The following CTXN2 variants were observed in gnomAD, a reference collection of about 807,000 sequenced individuals.
CTXN2 encodes the protein cortexin 2, also known as cortexin-2.
A neutral mutation model predicts 5.7 loss-of-function variants in CTXN2; 3 were observed. The ratio of observed to expected loss-of-function variants is 0.53; its 90% CI spans 0.24 to 1.36. The LOEUF (loss-of-function observed/expected upper bound fraction) is 1.36, where lower values mean the gene tolerates loss of function less well. CTXN2 is among the 40% of genes most tolerant of loss of function. The pLI is 0.17. For missense variants in CTXN2, 87 were observed against 93.0 expected, an observed-to-expected ratio of 0.94 and a Z score of 0.26; for synonymous variants, 38 against 36.4, an observed-to-expected ratio of 1.04 and a Z score of -0.16.
chr15:48,181,243 C>T (rs1470482412), intron 1 of CTXN2, among the ~76,000 whole-genome samples: 1 of 152,202 alleles, frequency 6.6e-6, no homozygotes, highest in African/African-American at 2.4e-5. Flanking sequence ...AGTAGCTTCA[C>T]AGTCATCGTG....
At chr15:48,178,777 G>A (rs1380104285) in intron 1 of CTXN2, 1 of 152,162 alleles carries the variant, frequency 6.6e-6, no homozygotes, top group East Asian at 1.9e-4. Context: ...GGCACCCTTC[G>A]GACATTCCAT....
intron 1 of CTXN2, among the ~76,000 whole-genome samples, chr15:48,199,013 T>C (rs920401332): frequency 6.6e-6 from 1 of 152,188 alleles, no homozygotes; most frequent in Non-Finnish European, 1.5e-5. Flanking sequence ...TGAATTTTTA[T>C]TGAGGACTGT....
chr15:48,190,797 G>A (rs1349211794), upstream of CTXN2: 1 of 152,202 alleles, frequency 6.6e-6, no homozygotes, highest in Non-Finnish European at 1.5e-5. Context: ...GAAACGGCCA[G>A]ACCCCTAAAA....
rs1284219396 is a variant in CTXN2 at position 48,191,836 on chromosome 15, T to A, written c.-75T>A. 4 of 455,994 alleles carry A rather than the reference T, an allele frequency of 8.8e-6. No homozygotes were observed. The East Asian group carries it at 2.8e-4, about 32-fold the overall frequency. 28.2% of individuals were successfully genotyped at this position (455,994 alleles called of 1,614,324 possible). On this transcript the variant is annotated 5_prime_UTR_variant, in exon 1 of 2. It removes an upstream start codon present in the reference 5' UTR. Transcript: ENST00000417307. Reference sequence around the variant, plus strand: ...GTCTACTGGCTGGACTTCATCTCCATGGCAACAAGCATGGAAGGTGAGACA... The same window carrying A: ...GTCTACTGGCTGGACTTCATCTCCAAGGCAACAAGCATGGAAGGTGAGACA...
Position 48,201,777 on chromosome 15 carries a change from C to T in CTXN2, c.*231C>T, listed in dbSNP as rs2040931722. 1.9e-6 allele frequency: 1 copy of T among 518,856 alleles called. No individual in the cohort carries two copies. The highest frequency in any genetic ancestry group is 3.5e-6 in the Non-Finnish European group (1 of 282,332). The allele number at this position is 518,856 out of a possible 1,614,324, so 32.1% of individuals were successfully genotyped here. ...ATGAATAGAGCATAAGGATGGCTGC[C>T]GCCATGTTTACCATCTTTATTCTTA... On this transcript the variant is annotated 3_prime_UTR_variant, in exon 2 of 2. Transcript: ENST00000417307.
intron 1 of CTXN2, among the ~76,000 whole-genome samples, chr15:48,184,859 T>G (rs1372019001): frequency 6.6e-6 from 1 of 152,208 alleles, no homozygotes; most frequent in Non-Finnish European, 1.5e-5. Context: ...ATTTATAGTA[T>G]CTTTATTCAT....
At chr15:48,193,943 A>C (rs548182994) in intron 1 of CTXN2, among the ~76,000 whole-genome samples, 40 of 152,258 alleles carry the variant, frequency 2.6e-4, no homozygotes, top group African/African-American at 9.1e-4. Flanking sequence ...TGATATTTCA[A>C]CTGCTATATA....
chr15:48,194,301 G>A (rs553112956), intron 1 of CTXN2, among the ~76,000 whole-genome samples: 1 of 151,794 alleles, frequency 6.6e-6, no homozygotes, highest in African/African-American at 2.4e-5. Context: ...TGAATATGCA[G>A]TCATGTCTTC....
At position 48,197,614 on chromosome 15, in the gene CTXN2, T is replaced by C. The variant is rs184751134; in HGVS notation, c.-57-3630T>C. Among the ~76,000 whole-genome samples the C allele has an allele frequency of 1.7e-3, 259 of 152,216 alleles. 2 individuals carry two copies. The highest frequency in any genetic ancestry group is 0.013 in the Admixed American group (203 of 15,288). ...ATGAATAAATTAAAATATTATTATA[T>C]GTTACCTTAAGTTCATTTAGCTCTT... On this transcript the variant is annotated intron_variant, in intron 1 of 1. Transcript: ENST00000417307.
At chr15:48,187,080 T>G (rs955472338), upstream of CTXN2, among the ~76,000 whole-genome samples, 6 of 152,094 alleles carry the variant, frequency 3.9e-5, no homozygotes, top group Non-Finnish European at 8.8e-5. Context: ...ACCTGAGCTG[T>G]GAGCAAAACA....
intron 1 of CTXN2, chr15:48,192,123 T>C (rs1484522835): frequency 4.1e-6 from 1 of 246,516 alleles, no homozygotes; most frequent in African/African-American, 2.2e-5. Flanking sequence ...TTGCTGATGC[T>C]TCTCCCATAA....
intron 1 of CTXN2, among the ~76,000 whole-genome samples, chr15:48,183,944 C>A (rs1210999750): frequency 6.6e-6 from 1 of 152,178 alleles, no homozygotes; most frequent in African/African-American, 2.4e-5. Context: ...AAAATCAAAC[C>A]TTATTCTTCC....
rs2040645347 is a variant in CTXN2, at chr15:48,178,452, G to A, written c.-455+52G>A. 3 of 498,928 alleles carry A rather than the reference G, an allele frequency of 6.0e-6. No individual in the cohort carries two copies. The South Asian group carries it at 1.3e-4, about 22-fold the overall frequency. 30.9% of individuals were successfully genotyped at this position (498,928 alleles called of 1,614,324 possible). A position where few individuals can be genotyped will look rare whatever the true frequency, so the allele number is the denominator to read the frequency against. ...GTGCGGGGGGAGGGGAGCCATGGGA[G>A]CTGGGGTCAGGGCCGCTGTTGCTGC... On this transcript the variant is annotated intron_variant, in intron 1 of 2. Coordinates refer to the CTXN2 transcript ENST00000644354.
intron 1 of CTXN2, among the ~76,000 whole-genome samples, chr15:48,179,049 G>A (rs1200839856): frequency 2.6e-5 from 4 of 151,784 alleles, no homozygotes; most frequent in Non-Finnish European, 4.4e-5. Flanking sequence ...TAGTGAAGTA[G>A]TTAGTTATAC....
rs1486308173 is a variant in CTXN2 at position 48,202,820 on chromosome 15, T to C, written c.*1274T>C. On this transcript the variant is annotated 3_prime_UTR_variant, in exon 2 of 2. Transcript: ENST00000417307. ...TGAGAAATAAAAAGATAAAATTATA[T>C]AGTTCTAAATTCTTTCCAACTACAA... The C allele has an allele frequency of 6.0e-6, 1 of 166,036 alleles. No individual in the cohort carries two copies. The highest frequency in any genetic ancestry group is 1.5e-5 in the Non-Finnish European group (1 of 68,106). The allele number at this position is 166,036 out of a possible 1,614,324, so 10.3% of individuals were successfully genotyped here.
At chr15:48,184,400 T>TG (rs1370060984) in intron 1 of CTXN2, among the ~76,000 whole-genome samples, 4 of 151,982 alleles carry the variant, frequency 2.6e-5, no homozygotes, top group Non-Finnish European at 2.9e-5. Context: ...TTCTACAAAA[T>TG]CATACATTAA....
chr15:48,182,260 AGTTTAGAATT>A (rs2040706964), intron 1 of CTXN2, among the ~76,000 whole-genome samples: 1 of 152,308 alleles, frequency 6.6e-6, no homozygotes, highest in East Asian at 1.9e-4. Context: ...AGCTAAGTGA[AGTTTAGAATT>A]AAGACAATTA....
chr15:48,195,082 A>C (rs2040864081), intron 1 of CTXN2, among the ~76,000 whole-genome samples: 1 of 152,218 alleles, frequency 6.6e-6, no homozygotes, highest in Non-Finnish European at 1.5e-5. Context: ...TAAGTGCCAC[A>C]CATGAGTACC....
chr15:48,201,845 A>G lies in CTXN2; in HGVS notation c.*299A>G. 2.8e-6 allele frequency: 1 copy of G among 362,736 alleles called. No individual in the cohort carries two copies. The highest frequency in any genetic ancestry group is 5.3e-6 in the Non-Finnish European group (1 of 188,304). The allele number at this position is 362,736 out of a possible 1,614,324, so 22.5% of individuals were successfully genotyped here. ...GAATTTCTGCTTCCTTTCTTGTGCT[A>G]ATAAACTGTGCCAAAGGCATCTTGC... On this transcript the variant is annotated 3_prime_UTR_variant, in exon 2 of 2. Coordinates refer to ENST00000417307, the MANE Select transcript of CTXN2 (RefSeq NM_001145668.2).
Sources: allele counts gnomAD v4.1 joint callset (sites outside exome capture counted in the v4.1 genomes callset), GRCh38; gene constraint gnomAD v4.1.1; transcripts MANE v1.5; gene names NCBI Gene and HGNC (gene_info 2026-07-23, HGNC 2026-07-21).